VWC2L: variants seen among roughly 807,000 people sequenced by gnomAD.
The protein encoded by VWC2L is von Willebrand factor C domain-containing protein 2-like.
Under a neutral mutation model 21.6 loss-of-function variants are expected in VWC2L, and 10 were observed. The observed-to-expected ratio is 0.46, with a 90% CI of 0.29 to 0.78. VWC2L has a LOEUF of 0.78. Among genes scored for constraint, VWC2L ranks in the 30% least tolerant of loss-of-function variants. The pLI is 0.10. For synonymous variants in VWC2L, 96 were observed against 94.3 expected, an observed-to-expected ratio of 1.02 and a Z score of -0.10; for missense variants, 209 against 277.1, an observed-to-expected ratio of 0.75 and a Z score of 1.74.
chr2:214,474,106 C>A (rs896284885), intron 3 of VWC2L, among the ~76,000 whole-genome samples: 1 of 151,958 alleles, frequency 6.6e-6, no homozygotes, highest in Non-Finnish European at 1.5e-5. Flanking sequence ...AATTATTGCA[C>A]CCTGATTTCC....
At chr2:214,433,983 A>T (rs1263659289) in intron 2 of VWC2L, among the ~76,000 whole-genome samples, 1 of 152,174 alleles carries the variant, frequency 6.6e-6, no homozygotes, top group East Asian at 1.9e-4. Flanking sequence ...TTGTAAAAAC[A>T]ATTTAATGAA....
intron 3 of VWC2L, among the ~76,000 whole-genome samples, chr2:214,531,897 C>T (rs1374487437): frequency 2.6e-5 from 4 of 152,070 alleles, no homozygotes; most frequent in Admixed American, 1.3e-4. Flanking sequence ...ATAGTATTTC[C>T]ACACATGCAC....
At chr2:214,436,790 G>A (rs748052733) in intron 3 of VWC2L, 32 bp downstream of exon 3, 1 of 1,610,462 alleles carries the variant, frequency 6.2e-7, no homozygotes, top group East Asian at 2.2e-5. Flanking sequence ...TTTTGAAGAG[G>A]GGTTCGCACA....
At chr2:214,421,768 C>T (rs1702444606) in intron 2 of VWC2L, among the ~76,000 whole-genome samples, 1 of 145,478 alleles carries the variant, frequency 6.9e-6, no homozygotes, top group Non-Finnish European at 1.5e-5. Context: ...TCCAACTGTA[C>T]ATGGTTTTGG....
At chr2:214,434,191 T>C (rs868857222) in intron 2 of VWC2L, among the ~76,000 whole-genome samples, 13 of 152,196 alleles carry the variant, frequency 8.5e-5, no homozygotes, top group Admixed American at 2.0e-4. Flanking sequence ...TCACTAAGTC[T>C]TGTGGTCTTA....
chr2:214,435,634 T>C (rs1451827140), intron 2 of VWC2L, among the ~76,000 whole-genome samples: 1 of 152,140 alleles, frequency 6.6e-6, no homozygotes, highest in East Asian at 1.9e-4. Flanking sequence ...AGTTTGCAGG[T>C]AAGAATCTGT....
At chr2:214,465,479 A>G (rs897910429) in intron 3 of VWC2L, among the ~76,000 whole-genome samples, 2 of 152,124 alleles carry the variant, frequency 1.3e-5, no homozygotes, top group Non-Finnish European at 2.9e-5. Flanking sequence ...CTGGTGCCCT[A>G]TTCTACTGTG....
chr2:214,519,997 C>A (rs1337064525), intron 3 of VWC2L, among the ~76,000 whole-genome samples: 1 of 151,364 alleles, frequency 6.6e-6, no homozygotes, highest in Non-Finnish European at 1.5e-5. Flanking sequence ...CTTAAAAATA[C>A]ATAATTCGGA....
chr2:214,475,881 C>T (rs1464697988), intron 3 of VWC2L, among the ~76,000 whole-genome samples: 1 of 152,156 alleles, frequency 6.6e-6, no homozygotes, highest in Non-Finnish European at 1.5e-5. Flanking sequence ...GATCCATGCC[C>T]AAGGTCACAT....
At chr2:214,559,396 T>C (rs988270032) in intron 3 of VWC2L, among the ~76,000 whole-genome samples, 7 of 152,032 alleles carry the variant, frequency 4.6e-5, no homozygotes, top group African/African-American at 1.4e-4. Context: ...TCCCACTGAC[T>C]CTACCCTGGG....
At chr2:214,456,470 G>A (rs554819478) in intron 3 of VWC2L, among the ~76,000 whole-genome samples, 35 of 151,810 alleles carry the variant, frequency 2.3e-4, no homozygotes, top group African/African-American at 8.2e-4. Flanking sequence ...CGGACATTAC[G>A]CCTTTGTCAG....
intron 3 of VWC2L, among the ~76,000 whole-genome samples, chr2:214,454,405 T>G (rs1484267450): frequency 5.3e-5 from 8 of 152,016 alleles, no homozygotes; most frequent in African/African-American, 1.7e-4. Flanking sequence ...TATTAACAGG[T>G]TTTTCATAGA....
intron 3 of VWC2L, among the ~76,000 whole-genome samples, chr2:214,506,464 T>A (rs1195844655): frequency 6.6e-6 from 1 of 152,180 alleles, no homozygotes; most frequent in Non-Finnish European, 1.5e-5. Flanking sequence ...AAAATCTTAA[T>A]TCCCAGTGTT....
intron 3 of VWC2L, among the ~76,000 whole-genome samples, chr2:214,567,595 C>CACACAGAGAG (rs1553602423): frequency 3.7e-5 from 5 of 135,308 alleles, no homozygotes; most frequent in African/African-American, 1.6e-4. Context: ...CACACACACA[C>CACACAGAGAG]AGAGAGAGAG....
rs186920467 is a variant in VWC2L, at chr2:214,426,623, A to G, written c.391-10006A>G. Among the ~76,000 whole-genome samples, 6 of 152,366 alleles carry G rather than the reference A, an allele frequency of 3.9e-5. No individual in the cohort carries two copies. In the East Asian group the frequency reaches 1.2e-3, roughly 29 times the overall value. Reference sequence around the variant, plus strand: ...CAAATGAGAAAACCAAGATTCAGAGAAATTTGTGCCTTTGTCCTTGTCATA... The same window carrying G: ...CAAATGAGAAAACCAAGATTCAGAGGAATTTGTGCCTTTGTCCTTGTCATA... On this transcript the variant is annotated intron_variant, in intron 2 of 3. Transcript: ENST00000312504.
intron 3 of VWC2L, among the ~76,000 whole-genome samples, chr2:214,520,086 C>CACACAG (rs1393986592): frequency 6.6e-6 from 1 of 151,178 alleles, no homozygotes; most frequent in South Asian, 2.1e-4. Flanking sequence ...CACACACACA[C>CACACAG]ACACTTATGT....
chr2:214,557,760 A>G (rs1689896274), intron 3 of VWC2L, among the ~76,000 whole-genome samples: 1 of 152,158 alleles, frequency 6.6e-6, no homozygotes, highest in African/African-American at 2.4e-5. Context: ...ATTACTATAG[A>G]AGAGGGCCCT....
At chr2:214,565,302 C>T (rs1358935839) in intron 3 of VWC2L, among the ~76,000 whole-genome samples, 2 of 152,126 alleles carry the variant, frequency 1.3e-5, no homozygotes, top group Non-Finnish European at 2.9e-5. Flanking sequence ...TTTTATTGAG[C>T]TTGCAACCTC....
Position 214,436,863 on chromosome 2 carries a change from G to T in VWC2L, c.520+105G>T, listed in dbSNP as rs942147216. 68 of 1,358,364 alleles carry T rather than the reference G, an allele frequency of 5.0e-5. No individual in the cohort carries two copies. The Admixed American group carries it at 1.3e-3, about 27-fold the overall frequency. 84.1% of individuals were successfully genotyped at this position (1,358,364 alleles called of 1,614,324 possible). A position where few individuals can be genotyped will look rare whatever the true frequency, so the allele number is the denominator to read the frequency against. On this transcript the variant is annotated intron_variant, in intron 3 of 3. Coordinates refer to ENST00000312504, the MANE Select transcript of VWC2L (RefSeq NM_001080500.4). ...AAGACCCCTCTAAGATCTGCCTGTG[G>T]CTTTTCAATATGGGCATGGCGGATG...
Sources: gnomAD v4.1 joint callset for allele counts (sites outside exome capture counted in the v4.1 genomes callset) on GRCh38, gnomAD v4.1.1 for gene constraint, MANE v1.5 for transcripts, NCBI Gene and HGNC (gene_info 2026-07-23, HGNC 2026-07-21) for gene names.